The following SNUPN variants were observed in gnomAD, a reference collection of about 807,000 sequenced individuals.
SNUPN encodes snurportin 1, also known as snurportin-1.
A neutral mutation model predicts 39.2 loss-of-function variants in SNUPN; 31 were observed. The ratio of observed to expected loss-of-function variants is 0.79; its 90% CI spans 0.59 to 1.07. SNUPN has a LOEUF of 1.07. Among genes scored for constraint, SNUPN ranks in the 50% least tolerant of loss-of-function variants. The pLI is 0.00. For missense variants in SNUPN, 382 were observed against 434.2 expected (o/e 0.88, Z 1.07); for synonymous variants, 132 against 159.0 (o/e 0.83, Z 1.28).
intron 8 of SNUPN, chr15:75,600,487 CT>C (rs1285591935): frequency 1.3e-5 from 2 of 152,330 alleles, no homozygotes; most frequent in Non-Finnish European, 2.9e-5. Flanking sequence ...GTTGGCCAGG[CT>C]GGTCTTGAAC....
At chr15:75,622,459 T>G (rs2141380318) in intron 1 of SNUPN, 1 of 985,350 alleles carries the variant, frequency 1.0e-6, no homozygotes, top group African/African-American at 1.7e-5. Context: ...TAGATGTCAT[T>G]TTGAAAACAG....
intron 1 of SNUPN, chr15:75,624,884 TGCCTCA>T (rs1893179221): frequency 7.2e-6 from 2 of 279,386 alleles, no homozygotes; most frequent in Non-Finnish European, 1.4e-5. Context: ...GCGATTCTCC[TGCCTCA>T]GCCTCCCGAG....
intron 3 of SNUPN, among the ~76,000 whole-genome samples, chr15:75,612,521 T>C (rs1892811420): frequency 6.6e-6 from 1 of 152,162 alleles, no homozygotes; most frequent in Non-Finnish European, 1.5e-5. Flanking sequence ...AGGTCCCCCT[T>C]TTCTCTTAGA....
intron 6 of SNUPN, among the ~76,000 whole-genome samples, chr15:75,606,981 C>A (rs531482658): frequency 3.2e-4 from 49 of 152,300 alleles, no homozygotes; most frequent in African/African-American, 1.1e-3. Context: ...CCTGCCATTT[C>A]TTTCTTTCTT....
intron 1 of SNUPN, chr15:75,622,310 G>C (rs976764410): frequency 2.0e-6 from 2 of 983,874 alleles, no homozygotes; most frequent in African/African-American, 3.5e-5. Context: ...TGGGCAGAAA[G>C]AAGGTTTCAG....
At chr15:75,616,731 G>A (rs1191836519) in intron 3 of SNUPN, among the ~76,000 whole-genome samples, 2 of 152,090 alleles carry the variant, frequency 1.3e-5, no homozygotes, top group East Asian at 3.9e-4. Context: ...TGAGCTGCCT[G>A]GAACACAAGA....
At chr15:75,610,177 C>T (rs1313893135) in intron 3 of SNUPN, among the ~76,000 whole-genome samples, 183 bp from the exon 4 acceptor site, 1 of 151,990 alleles carries the variant, frequency 6.6e-6, no homozygotes, top group Non-Finnish European at 1.5e-5. Context: ...GCAGGTGGAT[C>T]ACCTGAGGTC....
At chr15:75,611,832 C>T (rs1328418633) in intron 3 of SNUPN, among the ~76,000 whole-genome samples, 6 of 151,694 alleles carry the variant, frequency 4.0e-5, no homozygotes, top group Admixed American at 6.6e-5. Flanking sequence ...TCCAGCCTGG[C>T]GACAGAGCGA....
At chr15:75,621,372 C>A (rs1893066417) in intron 1 of SNUPN, among the ~76,000 whole-genome samples, 1 of 151,820 alleles carries the variant, frequency 6.6e-6, no homozygotes, top group Admixed American at 6.6e-5. Context: ...GCAATCCTCC[C>A]ACCTCAGCTT....
At position 75,598,130 on chromosome 15, in the gene SNUPN, C is replaced by T; in HGVS notation, c.*228G>A. On this transcript the variant is annotated 3_prime_UTR_variant, in exon 9 of 9. Transcript: ENST00000308588. The stretch of plus-strand genomic sequence containing the variant: ...ATTTACATTGTGGATCTGGGATACA[C>T]TTATCACAGTAGGAGCTGCTCAAAT... 1 of 498,312 alleles carries T rather than the reference C, an allele frequency of 2.0e-6. No homozygotes were observed. The allele number at this position is 498,312 out of a possible 1,614,324, so 30.9% of individuals were successfully genotyped here.
rs1261271926 is a variant in SNUPN, at chr15:75,601,161, G to A, written c.736C>T (p.Leu246=). 2 of 1,613,528 alleles carry A rather than the reference G, an allele frequency of 1.2e-6. No individual in the cohort carries two copies. Among genetic ancestry groups the A allele is most frequent in the Non-Finnish European group, 1.7e-6 (2 of 1,179,512 alleles). ...PCTPESLCDV[L]SMDFPFEVDG... ...ACCTCAAAAGGGAAATCCATAGATAGCACATCACACAGGCTTTCGGGAGTG... is the reference window on the plus strand; with the variant it reads ...ACCTCAAAAGGGAAATCCATAGATAACACATCACACAGGCTTTCGGGAGTG... Residue 246 remains leucine, a synonymous_variant, in exon 8 of 9, where the codon CTA becomes TTA. Transcript: ENST00000308588.
At chr15:75,620,398 C>T (rs1241559851) in intron 2 of SNUPN, among the ~76,000 whole-genome samples, 1 of 152,140 alleles carries the variant, frequency 6.6e-6, no homozygotes, top group Non-Finnish European at 1.5e-5. Context: ...CATCTTGGCA[C>T]TTAGAATTAA....
intron 3 of SNUPN, among the ~76,000 whole-genome samples, chr15:75,610,962 G>A (rs916291766): frequency 5.9e-5 from 9 of 152,010 alleles, no homozygotes; most frequent in Admixed American, 3.3e-4. Flanking sequence ...GAGGTCAAGA[G>A]ATTGAGACCA....
chr15:75,611,658 C>T (rs1454452932), intron 3 of SNUPN, among the ~76,000 whole-genome samples: 2 of 151,720 alleles, frequency 1.3e-5, no homozygotes, highest in African/African-American at 4.8e-5. Flanking sequence ...AAATCGAGAC[C>T]ATCCTGGCCA....
intron 2 of SNUPN, among the ~76,000 whole-genome samples, chr15:75,618,677 A>G (rs1892994914): frequency 6.6e-6 from 1 of 152,172 alleles, no homozygotes; most frequent in African/African-American, 2.4e-5. Flanking sequence ...TTAAACACAT[A>G]CATGTTCATG....
At chr15:75,608,826 G>A (rs1205123548) in intron 5 of SNUPN, among the ~76,000 whole-genome samples, 1 of 152,106 alleles carries the variant, frequency 6.6e-6, no homozygotes, top group East Asian at 1.9e-4. Flanking sequence ...CCAGGATGGT[G>A]TCTACATGCA....
intron 2 of SNUPN, among the ~76,000 whole-genome samples, chr15:75,618,156 C>T (rs1051639406): frequency 2.0e-5 from 3 of 152,132 alleles, no homozygotes; most frequent in African/African-American, 7.2e-5. Flanking sequence ...TAGCTTCACC[C>T]CTACCCCATC....
At chr15:75,617,284 C>T (rs1892962385) in intron 3 of SNUPN, 124 bp downstream of exon 3, 2 of 981,338 alleles carry the variant, frequency 2.0e-6, no homozygotes, top group Non-Finnish European at 3.1e-6. Flanking sequence ...ATGTTCTTTG[C>T]AGTTCCTATT....
In SNUPN at chr15:75,607,266, A is replaced by G; in HGVS notation, c.550T>C (p.Tyr184His). ...CGCCAGCACATCACATCCAGAACGT[A>G]GTAGGTCTGGTTTACCTCATTGTAA... ...CIYNEVNQTY[Y>H]VLDVMCWRGH... is the part of the protein sequence containing the mutation. Residue 184 changes from tyrosine to histidine, a missense_variant, in exon 6 of 9, where the codon TAC (tyrosine) becomes CAC (histidine). Tyr to His is a moderately conservative substitution (Grantham distance 83). Coordinates refer to ENST00000308588, the MANE Select transcript of SNUPN (RefSeq NM_005701.4). 1 of 1,613,874 alleles carries G rather than the reference A, an allele frequency of 6.2e-7. No individual in the cohort carries two copies. Among genetic ancestry groups the G allele is most frequent in the Non-Finnish European group, 8.5e-7 (1 of 1,179,756 alleles).
Sources: allele counts gnomAD v4.1 joint callset (sites outside exome capture counted in the v4.1 genomes callset), GRCh38; gene constraint gnomAD v4.1.1; transcripts MANE v1.5; gene names NCBI Gene and HGNC (gene_info 2026-07-23, HGNC 2026-07-21).